Variants in NTNG1 observed in about 807,000 individuals in gnomAD.
The protein encoded by NTNG1 is netrin G1.
Under a neutral mutation model 54.0 loss-of-function variants are expected in NTNG1, and 16 were observed. That is an observed-to-expected ratio of 0.30 (90% CI 0.20 to 0.45). The LOEUF is 0.45. Ranked by LOEUF, NTNG1 falls within the 20% of genes least tolerant of loss-of-function variation. The pLI is 1.00. For synonymous variants in NTNG1, 255 were observed against 263.1 expected, an observed-to-expected ratio of 0.97 and a Z score of 0.30; for missense variants, 530 against 678.7, an observed-to-expected ratio of 0.78 and a Z score of 2.43.
chr1:107,266,009 T>C (rs1162617220), intron 2 of NTNG1, among the ~76,000 whole-genome samples: 1 of 152,242 alleles, frequency 6.6e-6, no homozygotes, highest in Non-Finnish European at 1.5e-5. Flanking sequence ...ATCTTTGTGC[T>C]TTCTTTGCAT....
At position 107,456,362 on chromosome 1, in the gene NTNG1, T is replaced by C. The variant is rs549980565; in HGVS notation, c.1390+19563T>C. On this transcript the variant is annotated intron_variant, in intron 7 of 7. Coordinates refer to ENST00000370068, the MANE Select transcript of NTNG1 (RefSeq NM_001113226.3). ...GATGCTAAGAAGATGTCTACATTCCTACTTTTAATCTTTTGAAGAGAGAGT... is the reference window on the plus strand; with the variant it reads ...GATGCTAAGAAGATGTCTACATTCCCACTTTTAATCTTTTGAAGAGAGAGT... 2.0e-5 allele frequency among the ~76,000 whole-genome samples: 3 copies of C among 152,328 alleles called. No homozygotes were observed. The East Asian group carries it at 5.8e-4, about 29-fold the overall frequency.
intron 6 of NTNG1, among the ~76,000 whole-genome samples, chr1:107,431,489 A>T (rs1446330526): frequency 1.3e-5 from 2 of 152,158 alleles, no homozygotes; most frequent in Non-Finnish European, 2.9e-5. Context: ...GCTCCCAAAA[A>T]GGAGGAGTAA....
intron 7 of NTNG1, among the ~76,000 whole-genome samples, chr1:107,449,550 GA>G (rs1271159861): frequency 6.6e-6 from 1 of 151,960 alleles, no homozygotes; most frequent in Middle Eastern, 3.2e-3. Flanking sequence ...CTAATGCCAA[GA>G]GCACTGCGGA....
chr1:107,190,610 T>C (rs999606825), intron 2 of NTNG1, among the ~76,000 whole-genome samples: 2 of 152,098 alleles, frequency 1.3e-5, no homozygotes, highest in Non-Finnish European at 2.9e-5. Context: ...CGGTGTGTGA[T>C]GTTCCCCTTC....
chr1:107,150,319 A>G (rs12074453), intron 2 of NTNG1, among the ~76,000 whole-genome samples: 7,460 of 152,232 alleles, frequency 0.049, 243 homozygotes, highest in African/African-American at 0.091. Flanking sequence ...ATAAATCAGT[A>G]CAGGAGCAGA....
intron 7 of NTNG1, among the ~76,000 whole-genome samples, chr1:107,458,451 G>C (rs1379044998): frequency 6.6e-6 from 1 of 152,084 alleles, no homozygotes; most frequent in Non-Finnish European, 1.5e-5. Flanking sequence ...CAATTTCAGT[G>C]AAAATAAAGT....
intron 7 of NTNG1, among the ~76,000 whole-genome samples, chr1:107,438,558 C>G (rs1034664231): frequency 5.3e-5 from 8 of 152,038 alleles, no homozygotes; most frequent in African/African-American, 1.9e-4. Flanking sequence ...GAGGAAAAAT[C>G]AAAACCAGCA....
intron 2 of NTNG1, among the ~76,000 whole-genome samples, chr1:107,238,038 G>T (rs549860553): frequency 1.3e-5 from 2 of 152,268 alleles, no homozygotes; most frequent in East Asian, 3.9e-4. Flanking sequence ...CACCGTGAGT[G>T]TGGAAAAGCT....
chr1:107,465,026 C>T (rs1677513995), intron 7 of NTNG1, among the ~76,000 whole-genome samples: 1 of 152,136 alleles, frequency 6.6e-6, no homozygotes, highest in Non-Finnish European at 1.5e-5. Context: ...CTGCCCTTCT[C>T]ACCACAATAC....
At chr1:107,390,557 G>T (rs1321237959) in intron 3 of NTNG1, among the ~76,000 whole-genome samples, 1 of 152,130 alleles carries the variant, frequency 6.6e-6, no homozygotes, top group Admixed American at 6.5e-5. Context: ...TGTAGTGTAA[G>T]TTATGAAAAC....
At chr1:107,191,803 C>A (rs967880213) in intron 2 of NTNG1, among the ~76,000 whole-genome samples, 1 of 151,684 alleles carries the variant, frequency 6.6e-6, no homozygotes, top group African/African-American at 2.4e-5. Context: ...GTTTTGGTAC[C>A]AGTACCATGC....
intron 2 of NTNG1, among the ~76,000 whole-genome samples, chr1:107,186,917 T>A (rs555721034): frequency 6.6e-6 from 1 of 152,294 alleles, no homozygotes; most frequent in African/African-American, 2.4e-5. Flanking sequence ...TTTATTATTA[T>A]CCTTATTTTA....
intron 2 of NTNG1, among the ~76,000 whole-genome samples, chr1:107,311,312 C>T (rs1008383084): frequency 1.1e-4 from 17 of 151,968 alleles, no homozygotes; most frequent in Admixed American, 1.1e-3. Flanking sequence ...ATAAATAAGG[C>T]AAGATAGGAT....
At chr1:107,310,041 A>G (rs1207084894) in intron 2 of NTNG1, among the ~76,000 whole-genome samples, 1 of 152,144 alleles carries the variant, frequency 6.6e-6, no homozygotes, top group Non-Finnish European at 1.5e-5. Context: ...GAAATGACAA[A>G]TAGAAAGCCC....
intron 2 of NTNG1, among the ~76,000 whole-genome samples, chr1:107,150,744 C>T (rs926224038): frequency 6.6e-6 from 1 of 152,158 alleles, no homozygotes; most frequent in Admixed American, 6.5e-5. Flanking sequence ...GAAGGGTTTA[C>T]TTGGTGTCTT....
intron 2 of NTNG1, among the ~76,000 whole-genome samples, chr1:107,244,347 A>T (rs1053220984): frequency 2.6e-5 from 4 of 152,212 alleles, no homozygotes; most frequent in African/African-American, 9.6e-5. Flanking sequence ...AAAAGTAAAA[A>T]GTGTTGACAA....
chr1:107,440,068 G>A (rs1444759695), intron 7 of NTNG1, among the ~76,000 whole-genome samples: 1 of 151,824 alleles, frequency 6.6e-6, no homozygotes, highest in Admixed American at 6.6e-5. Flanking sequence ...TCAATGCCAA[G>A]CAGAAAACCA....
intron 2 of NTNG1, among the ~76,000 whole-genome samples, chr1:107,287,938 C>T (rs896415529): frequency 3.3e-5 from 5 of 152,060 alleles, no homozygotes; most frequent in Non-Finnish European, 5.9e-5. Context: ...CAAATGACAG[C>T]TATCACTATT....
At chr1:107,346,388 C>T (rs1669234629) in intron 3 of NTNG1, among the ~76,000 whole-genome samples, 1 of 152,108 alleles carries the variant, frequency 6.6e-6, no homozygotes, top group Non-Finnish European at 1.5e-5. Context: ...TGATGGCAAC[C>T]CAGATGCAGA....
Sources: gnomAD v4.1 joint callset for allele counts (sites outside exome capture counted in the v4.1 genomes callset) on GRCh38, gnomAD v4.1.1 for gene constraint, MANE v1.5 for transcripts, NCBI Gene and HGNC (gene_info 2026-07-23, HGNC 2026-07-21) for gene names.